Variants in UBN2 observed in about 807,000 individuals in gnomAD.
UBN2 encodes the protein ubinuclein 2, also known as ubinuclein-2.
In UBN2, 35 loss-of-function variants were observed where a neutral mutation model predicts 120.2. The ratio of observed to expected loss-of-function variants is 0.29; its 90% CI spans 0.22 to 0.39. The LOEUF (loss-of-function observed/expected upper bound fraction) is 0.39. Ranked by LOEUF, UBN2 falls within the 10% of genes least tolerant of loss-of-function variation. The probability of loss-of-function intolerance (pLI) is 1.00; values close to 1 mark genes in which losing one functional copy is unlikely to be tolerated. For missense variants in UBN2, 1,693 were observed against 1,663.2 expected, an observed-to-expected ratio of 1.02 and a Z score of -0.31; for synonymous variants, 661 against 648.7, an observed-to-expected ratio of 1.02 and a Z score of -0.29.
At chr7:139,235,595 C>T (rs10435437) in intron 1 of UBN2, among the ~76,000 whole-genome samples, 12,135 of 151,954 alleles carry the variant, frequency 0.08, 864 homozygotes, top group Admixed American at 0.21. Flanking sequence ...TTGGTAGAGA[C>T]GGGGTTTCAC....
At chr7:139,317,733 G>A in the UBN2 span, among the ~76,000 whole-genome samples, 1 of 151,962 alleles carries the variant, frequency 6.6e-6, no homozygotes, top group Admixed American at 6.6e-5. Flanking sequence ...CACAGTCTTG[G>A]CTCACTGCAA....
chr7:139,263,177 C>T (rs566611046), intron 6 of UBN2, among the ~76,000 whole-genome samples: 1 of 152,246 alleles, frequency 6.6e-6, no homozygotes, highest in South Asian at 2.1e-4. Context: ...TCAAAATACA[C>T]AAGACATCCG....
In UBN2 at chr7:139,231,617, G is replaced by A. The variant is rs763397881; in HGVS notation, c.133G>A (p.Glu45Lys). Reference protein sequence around the residue: ...PPRLEPQPYREPARAEPPAPR... With the variant: ...PPRLEPQPYRKPARAEPPAPR... ...CCGGCTGGAGCCGCAGCCGTACCGC[G>A]AGCCGGCCCGGGCGGAGCCGCCGGC... The change falls in exon 1 of 18, where the codon GAG becomes AAG. Residue 45 changes from glutamate (E) to lysine (K), a missense_variant. Physicochemically the swap from Glu to Lys is moderately conservative, Grantham distance 56 (BLOSUM62 1). Around this residue, in one of 5 missense-constraint regions of UBN2, gnomAD observed 663 missense variants for 591.2 expected, o/e 1.12. Transcript: ENST00000473989. 11 of 1,332,806 alleles carry A rather than the reference G, an allele frequency of 8.3e-6. No individual in the cohort carries two copies. In the South Asian group the frequency reaches 9.5e-5, roughly 11 times the overall value. The allele number at this position is 1,332,806 out of a possible 1,614,324, so 82.6% of individuals were successfully genotyped here. A position where few individuals can be genotyped will look rare whatever the true frequency, so the allele number is the denominator to read the frequency against.
rs1412563825 is a variant in UBN2, at chr7:139,284,188, A to C, written c.3283A>C (p.Asn1095His). 2 of 1,613,984 alleles carry C rather than the reference A, an allele frequency of 1.2e-6. No homozygotes were observed. Among genetic ancestry groups the C allele is most frequent in the East Asian group, 2.2e-5 (1 of 44,878 alleles). The change falls in exon 15 of 18, where the codon AAT becomes CAT. Residue 1095 changes from asparagine to histidine, a missense_variant. Physicochemically the swap from Asn to His is moderately conservative, Grantham distance 68. Transcript: ENST00000473989. ...PTVSPSSSSP[N>H]ALVAQGSHSS... ...TGTATCCCCAAGTAGTTCCAGTCCA[A>C]ATGCACTAGTTGCCCAGGGTAGCCA...
At chr7:139,264,188 A>T (rs1797022104) in intron 6 of UBN2, among the ~76,000 whole-genome samples, 1 of 152,254 alleles carries the variant, frequency 6.6e-6, no homozygotes, top group Admixed American at 6.5e-5. Flanking sequence ...TTATTTCAAC[A>T]GTTGTACTAT....
chr7:139,236,412 C>T (rs1025083943), intron 1 of UBN2, among the ~76,000 whole-genome samples: 16 of 152,154 alleles, frequency 1.1e-4, no homozygotes, highest in African/African-American at 2.2e-4. Flanking sequence ...AAGCCTTAGC[C>T]GCTACACACA....
At chr7:139,254,418 A>G (rs1410436721) in intron 3 of UBN2, among the ~76,000 whole-genome samples, 1 of 152,238 alleles carries the variant, frequency 6.6e-6, no homozygotes, top group Non-Finnish European at 1.5e-5. Flanking sequence ...TCTTACAAAA[A>G]AGGTTGTCAA....
the UBN2 span, among the ~76,000 whole-genome samples, chr7:139,327,681 T>G: frequency 1.3e-5 from 2 of 152,178 alleles, no homozygotes; most frequent in African/African-American, 4.8e-5. Context: ...TTCCAACATA[T>G]GAACTTTGGG....
At chr7:139,264,043 G>C (rs1797017399) in intron 6 of UBN2, among the ~76,000 whole-genome samples, 1 of 152,128 alleles carries the variant, frequency 6.6e-6, no homozygotes, top group Non-Finnish European at 1.5e-5. Flanking sequence ...TTAATTTGCA[G>C]TTTGATACTT....
At chr7:139,233,945 C>T (rs1232459962) in intron 1 of UBN2, among the ~76,000 whole-genome samples, 1 of 151,860 alleles carries the variant, frequency 6.6e-6, no homozygotes, top group Non-Finnish European at 1.5e-5. Flanking sequence ...TATCAACCTT[C>T]TATTTTTTTC....
intron 17 of UBN2, among the ~76,000 whole-genome samples, chr7:139,297,020 C>G (rs896493118): frequency 6.6e-6 from 1 of 151,834 alleles, no homozygotes; most frequent in Admixed American, 6.6e-5. Context: ...ATGGTGAAAC[C>G]CTGTCTCTAC....
At chr7:139,310,644 A>G (rs1451620625), downstream of UBN2, among the ~76,000 whole-genome samples, 4 of 152,134 alleles carry the variant, frequency 2.6e-5, no homozygotes, top group African/African-American at 9.7e-5. Context: ...ATGGTGACTC[A>G]TGTCTGTAAT....
rs1430113896 is a variant in UBN2 at position 139,293,372 on chromosome 7, C to T, written c.3810C>T (p.Pro1270=). Reference sequence around the variant, plus strand: ...CAGTGACCATGCCCTTCCAGTTTCCCTTGGAGATATTTGGCTTTGGAACGG... The same window carrying T: ...CAGTGACCATGCCCTTCCAGTTTCCTTTGGAGATATTTGGCTTTGGAACGG... ...LVPVTMPFQF[P]LEIFGFGTDT... Residue 1270 remains proline, a synonymous_variant, in exon 16 of 18, where the codon CCC becomes CCT. Coordinates refer to ENST00000473989, the MANE Select transcript of UBN2 (RefSeq NM_173569.4). 6.2e-7 allele frequency: 1 copy of T among 1,614,086 alleles called. No individual in the cohort carries two copies. The highest frequency in any genetic ancestry group is 1.7e-5 in the Admixed American group (1 of 60,010).
Position 139,266,320 on chromosome 7 carries a change from C to A in UBN2, c.1396-13C>A. The A allele has an allele frequency of 6.5e-7, 1 of 1,529,716 alleles. No homozygotes were observed. Among genetic ancestry groups the A allele is most frequent in the South Asian group, 1.2e-5 (1 of 84,924 alleles). 94.8% of individuals were successfully genotyped at this position (1,529,716 alleles called of 1,614,324 possible). ...CCTATTTTGATTTATTATCATCTTT[C>A]TTGTTTCTTTAGGCTGCCAAACTTT... On this transcript the variant is annotated splice_polypyrimidine_tract_variant and intron_variant, in intron 6 of 17. Coordinates refer to ENST00000473989, the MANE Select transcript of UBN2 (RefSeq NM_173569.4).
chr7:139,283,560 C>T lies in UBN2; in HGVS notation c.2655C>T (p.Ser885=). The T allele has an allele frequency of 6.2e-7, 1 of 1,614,156 alleles. No individual in the cohort carries two copies. The stretch of plus-strand genomic sequence containing the variant: ...TTCAACAAGGACTTCAGAGGTCAAG[C>T]CAGATTCACACTTCTTCCTCTTCAC... ...RLLQQGLQRS[S]QIHTSSSSQT... is the part of the protein sequence containing the mutation. Residue 885 remains serine (S), a synonymous_variant, in exon 15 of 18, where the codon AGC becomes AGT. Transcript: ENST00000473989.
chr7:139,231,377 T>A lies in UBN2; in HGVS notation c.-108T>A, dbSNP rs575225995. 9.7e-6 allele frequency: 9 copies of A among 927,634 alleles called. No homozygotes were observed. Among genetic ancestry groups the A allele is most frequent in the Non-Finnish European group, 1.3e-5 (9 of 707,896 alleles). The allele number at this position is 927,634 out of a possible 1,614,324, so 57.5% of individuals were successfully genotyped here. A position where few individuals can be genotyped will look rare whatever the true frequency, so the allele number is the denominator to read the frequency against. On this transcript the variant is annotated 5_prime_UTR_variant, in exon 1 of 18. Coordinates refer to ENST00000473989, the MANE Select transcript of UBN2 (RefSeq NM_173569.4). ...CGCCGGCGGAGACGGCTGAGGGTGG[T>A]GGAGGGAAGAAAAGCGACAGAGAGC... is the stretch of plus-strand genomic sequence containing the variant.
At chr7:139,241,646 A>G (rs1353536471) in intron 2 of UBN2, among the ~76,000 whole-genome samples, 1 of 152,202 alleles carries the variant, frequency 6.6e-6, no homozygotes, top group Non-Finnish European at 1.5e-5. Flanking sequence ...CTCAAAGACA[A>G]ATTATTCTTC....
chr7:139,231,771 C>CGCCGCCGTTCCCGCCGCTGCCCTTGCA lies in UBN2; in HGVS notation c.294_320dup (p.Phe99_Pro107dup). On this transcript the variant is annotated inframe_insertion, in exon 1 of 18. Transcript: ENST00000473989. ...CGGGAGCCCCCGCGGCCCGAGCCGC[C>CGCCGCCGTTCCCGCCGCTGCCCTTGCA]GCCGCCGTTCCCGCCGCTGCCCTTG... The CGCCGCCGTTCCCGCCGCTGCCCTTGCA allele has an allele frequency of 7.9e-7, 1 of 1,261,968 alleles. No individual in the cohort carries two copies. 78.2% of individuals were successfully genotyped at this position (1,261,968 alleles called of 1,614,324 possible).
At position 139,231,526 on chromosome 7, in the gene UBN2, G is replaced by T. The variant is rs1446252970; in HGVS notation, c.42G>T (p.Pro14=). 7.0e-7 allele frequency: 1 copy of T among 1,418,764 alleles called. No individual in the cohort carries two copies. 87.9% of individuals were successfully genotyped at this position (1,418,764 alleles called of 1,614,324 possible). A position where few individuals can be genotyped will look rare whatever the true frequency, so the allele number is the denominator to read the frequency against. The change falls in exon 1 of 18, where the codon CCG becomes CCT. Residue 14 remains proline, a synonymous_variant. Transcript: ENST00000473989. ...PRRVAFISLS[P]VRRREAEYPG... is the part of the protein sequence containing the mutation. ...GAGTAGCGTTCATTAGCTTGTCACC[G>T]GTGCGGCGGCGCGAGGCCGAGTACC... is the stretch of plus-strand genomic sequence containing the variant.
Sources: gnomAD v4.1 joint callset for allele counts (sites outside exome capture counted in the v4.1 genomes callset) on GRCh38, gnomAD v4.1.1 for gene constraint, gnomAD v4.1.1 regional missense constraint, MANE v1.5 for transcripts, NCBI Gene and HGNC (gene_info 2026-07-23, HGNC 2026-07-21) for gene names.